Variants in UNC5C observed in about 807,000 individuals in gnomAD.
The protein encoded by UNC5C is netrin receptor UNC5C.
In UNC5C, 47 loss-of-function variants were observed where a neutral mutation model predicts 99.8. The observed-to-expected ratio is 0.47, with a 90% CI of 0.37 to 0.60. UNC5C has a LOEUF of 0.60. Ranked by LOEUF, UNC5C falls within the 20% of genes least tolerant of loss-of-function variation. The probability of loss-of-function intolerance (pLI) is 0.00; values close to 1 mark genes in which losing one functional copy is unlikely to be tolerated. For missense variants in UNC5C, 1,062 were observed against 1,165.9 expected, an observed-to-expected ratio of 0.91 and a Z score of 1.30; for synonymous variants, 487 against 452.2, an observed-to-expected ratio of 1.08 and a Z score of -0.98.
At chr4:95,481,600 C>T (rs1438448943) in intron 1 of UNC5C, among the ~76,000 whole-genome samples, 1 of 152,136 alleles carries the variant, frequency 6.6e-6, no homozygotes, top group Non-Finnish European at 1.5e-5. Context: ...CTCTACCTGA[C>T]TTCAAACTAT....
intron 1 of UNC5C, among the ~76,000 whole-genome samples, chr4:95,355,051 A>G (rs1744130914): frequency 6.6e-6 from 1 of 152,122 alleles, no homozygotes; most frequent in South Asian, 2.1e-4. Flanking sequence ...AAGAATATAG[A>G]TTTTGTTCTC....
intron 10 of UNC5C, among the ~76,000 whole-genome samples, chr4:95,213,167 C>T (rs1049740402): frequency 6.6e-6 from 1 of 152,250 alleles, no homozygotes; most frequent in Non-Finnish European, 1.5e-5. Context: ...TTGATTTCTT[C>T]ACCCTTTGAT....
At chr4:95,466,375 T>C (rs1434225228) in intron 1 of UNC5C, among the ~76,000 whole-genome samples, 1 of 152,094 alleles carries the variant, frequency 6.6e-6, no homozygotes, top group Non-Finnish European at 1.5e-5. Context: ...TCAACATATA[T>C]GAAACTACAT....
chr4:95,438,688 C>A (rs988765389), intron 1 of UNC5C, among the ~76,000 whole-genome samples: 11 of 152,076 alleles, frequency 7.2e-5, no homozygotes, highest in African/African-American at 2.2e-4. Flanking sequence ...ATAGTTCCTG[C>A]AGATAAGGAA....
chr4:95,467,479 A>C (rs945362375), intron 1 of UNC5C, among the ~76,000 whole-genome samples: 2 of 152,200 alleles, frequency 1.3e-5, no homozygotes, highest in African/African-American at 4.8e-5. Context: ...TTTTCTTTTC[A>C]CATTATCACT....
intron 9 of UNC5C, 149 bp downstream of exon 9, chr4:95,218,820 G>T: frequency 1.4e-6 from 1 of 727,652 alleles, no homozygotes; most frequent in Non-Finnish European, 2.2e-6. Context: ...CTGAAGTAAT[G>T]TTCTGTTTAC....
chr4:95,378,812 T>C lies in UNC5C; in HGVS notation c.125-43181A>G, dbSNP rs561692369. The stretch of plus-strand genomic sequence containing the variant: ...CCTATAGCTACTAAGCACAATAATT[T>C]AGGGTTATTTAAAGTTGCTTAGAAG... On this transcript the variant is annotated intron_variant, in intron 1 of 15. Coordinates refer to ENST00000453304, the MANE Select transcript of UNC5C (RefSeq NM_003728.4). Among the ~76,000 whole-genome samples, 20 of 152,284 alleles carry C rather than the reference T, an allele frequency of 1.3e-4. No homozygotes were observed. The South Asian group carries it at 3.9e-3, about 30-fold the overall frequency.
intron 2 of UNC5C, among the ~76,000 whole-genome samples, chr4:95,320,257 A>G (rs1742630905): frequency 6.6e-6 from 1 of 152,048 alleles, no homozygotes; most frequent in South Asian, 2.1e-4. Flanking sequence ...CCTCGTCTCT[A>G]CTAAAAATAC....
intron 4 of UNC5C, among the ~76,000 whole-genome samples, chr4:95,275,504 T>C (rs1403997577): frequency 2.0e-5 from 3 of 152,196 alleles, no homozygotes; most frequent in Admixed American, 2.0e-4. Context: ...TTAAATACTT[T>C]GGCCAAAGTA....
At chr4:95,246,728 T>C (rs1319678169) in intron 5 of UNC5C, among the ~76,000 whole-genome samples, 1 of 152,008 alleles carries the variant, frequency 6.6e-6, no homozygotes, top group African/African-American at 2.4e-5. Flanking sequence ...TAACAATGTA[T>C]AATGCTTATT....
intron 1 of UNC5C, among the ~76,000 whole-genome samples, chr4:95,470,778 A>G (rs1377437867): frequency 6.6e-6 from 1 of 152,172 alleles, no homozygotes. Context: ...ACGATAAAGA[A>G]AAGCCATTTC....
chr4:95,186,717 G>A (rs536961060), intron 12 of UNC5C, among the ~76,000 whole-genome samples: 77 of 152,286 alleles, frequency 5.1e-4, no homozygotes, highest in African/African-American at 1.8e-3. Context: ...GCACACTGAC[G>A]TAGACAAGTG....
At chr4:95,172,881 G>C (rs928505208) in intron 14 of UNC5C, among the ~76,000 whole-genome samples, 13 of 152,142 alleles carry the variant, frequency 8.5e-5, no homozygotes, top group Non-Finnish European at 1.9e-4. Flanking sequence ...AGCATGGAAT[G>C]TTGTTCCATT....
rs775570031 is a variant in UNC5C at position 95,258,746 on chromosome 4, CTT to C, written c.595-8081_595-8080del. Among the ~76,000 whole-genome samples the C allele has an allele frequency of 4.3e-4, 33 of 76,036 alleles. No individual in the cohort carries two copies. In the South Asian group the frequency reaches 6.1e-3, roughly 14 times the overall value. The allele number at this position is 76,036 out of a possible 152,430, so 49.9% of individuals were successfully genotyped here. A position where few individuals can be genotyped will look rare whatever the true frequency, so the allele number is the denominator to read the frequency against. On this transcript the variant is annotated intron_variant, in intron 4 of 15. Coordinates refer to ENST00000453304, the MANE Select transcript of UNC5C (RefSeq NM_003728.4). ...ACTATGTGTAATCGACCATCTTATT[CTT>C]TTTTTTTTTTTTTTTTTTTTTTTTG...
chr4:95,279,437 A>C (rs1740974240), intron 3 of UNC5C, among the ~76,000 whole-genome samples: 1 of 152,256 alleles, frequency 6.6e-6, no homozygotes, highest in Non-Finnish European at 1.5e-5. Flanking sequence ...CATCAGAGGC[A>C]CATACTTCAA....
chr4:95,431,594 G>A (rs539366457), intron 1 of UNC5C, among the ~76,000 whole-genome samples: 297 of 152,072 alleles, frequency 2.0e-3, no homozygotes, highest in African/African-American at 6.7e-3. Flanking sequence ...GAGTAGAACC[G>A]TCGACATGTC....
In UNC5C at chr4:95,335,461, A is replaced by G; in HGVS notation, c.295T>C (p.Trp99Arg). The G allele has an allele frequency of 6.2e-7, 1 of 1,612,424 alleles. No individual in the cohort carries two copies. Among genetic ancestry groups the G allele is most frequent in the East Asian group, 2.2e-5 (1 of 44,816 alleles). ...ACTATGTGGTCCTTCTGATGAACCC[A>G]TTCACTATTACACTTGAAATAGATC... ...TQIYFKCNSE[W>R]VHQKDHIVDE... Residue 99 changes from tryptophan (W) to arginine (R), a missense_variant, in exon 2 of 16, where the codon TGG becomes CGG. Trp to Arg is a moderately radical substitution (Grantham distance 101). Around this residue, in one of 3 missense-constraint regions of UNC5C, gnomAD observed 249 missense variants for 295.1 expected, o/e 0.84. Coordinates refer to ENST00000453304, the MANE Select transcript of UNC5C (RefSeq NM_003728.4).
intron 12 of UNC5C, among the ~76,000 whole-genome samples, chr4:95,192,294 T>A (rs1302723772): frequency 1.1e-5 from 1 of 89,376 alleles, no homozygotes; most frequent in Non-Finnish European, 2.2e-5. Context: ...TCTTCTCACC[T>A]CCTCCCCTTC....
chr4:95,348,590 T>C (rs772078843), intron 1 of UNC5C, among the ~76,000 whole-genome samples: 1 of 148,710 alleles, frequency 6.7e-6, no homozygotes, highest in Non-Finnish European at 1.5e-5. Flanking sequence ...GGAGTACTAT[T>C]CAGTCATTAA....
Sources: allele counts gnomAD v4.1 joint callset (sites outside exome capture counted in the v4.1 genomes callset), GRCh38; gene constraint gnomAD v4.1.1; regional missense constraint gnomAD v4.1.1; transcripts MANE v1.5; gene names NCBI Gene and HGNC (gene_info 2026-07-23, HGNC 2026-07-21).